The following MAPK4 variants were observed in gnomAD, a reference collection of about 807,000 sequenced individuals.
MAPK4 encodes the protein mitogen-activated protein kinase 4.
A neutral mutation model predicts 47.7 loss-of-function variants in MAPK4; 22 were observed. The ratio of observed to expected loss-of-function variants is 0.46; its 90% confidence interval spans 0.33 to 0.66. The LOEUF is 0.66. Among genes scored for constraint, MAPK4 ranks in the 30% least tolerant of loss-of-function variants. MAPK4 has a pLI of 0.02. For synonymous variants in MAPK4, 390 were observed against 365.7 expected (o/e 1.07, Z -0.76); for missense variants, 736 against 831.7 (o/e 0.88, Z 1.42).
chr18:50,597,199 AT>A (rs1248419913), intron 1 of MAPK4, among the ~76,000 whole-genome samples: 1 of 152,100 alleles, frequency 6.6e-6, no homozygotes, highest in African/African-American at 2.4e-5. Flanking sequence ...CCAGATTGGG[AT>A]TTTTCTTTAC....
chr18:50,620,408 A>G (rs1029637286), intron 1 of MAPK4, among the ~76,000 whole-genome samples: 3 of 152,190 alleles, frequency 2.0e-5, no homozygotes, highest in Non-Finnish European at 2.9e-5. Context: ...GCAGATTTTT[A>G]GTTCTCCTCA....
At chr18:50,610,606 T>C (rs1460327624) in intron 1 of MAPK4, among the ~76,000 whole-genome samples, 2 of 152,228 alleles carry the variant, frequency 1.3e-5, no homozygotes, top group Non-Finnish European at 2.9e-5. Flanking sequence ...GCAGATTTTC[T>C]GATTTCCAGC....
intron 1 of MAPK4, among the ~76,000 whole-genome samples, chr18:50,638,541 T>C (rs1407255368): frequency 6.6e-6 from 1 of 152,214 alleles, no homozygotes; most frequent in African/African-American, 2.4e-5. Flanking sequence ...CTTTCTCTTC[T>C]GGGAGACCAC....
chr18:50,604,230 A>G (rs528756628), intron 1 of MAPK4, among the ~76,000 whole-genome samples: 1 of 152,340 alleles, frequency 6.6e-6, no homozygotes, highest in African/African-American at 2.4e-5. Context: ...TGAGTTACTG[A>G]GAGATTATTA....
At chr18:50,642,024 A>G (rs188177086) in intron 1 of MAPK4, among the ~76,000 whole-genome samples, 2 of 152,224 alleles carry the variant, frequency 1.3e-5, no homozygotes, top group Non-Finnish European at 1.5e-5. Flanking sequence ...CATGTAAAAC[A>G]AAATATGTTT....
intron 1 of MAPK4, among the ~76,000 whole-genome samples, chr18:50,581,094 A>T (rs1012986565): frequency 1.3e-5 from 2 of 152,210 alleles, no homozygotes; most frequent in Non-Finnish European, 2.9e-5. Context: ...CAACATCCTA[A>T]AATGCACGAG....
At chr18:50,685,534 T>C (rs1477547331) in intron 2 of MAPK4, among the ~76,000 whole-genome samples, 2 of 152,160 alleles carry the variant, frequency 1.3e-5, no homozygotes, top group African/African-American at 2.4e-5. Context: ...GAGAAATGAA[T>C]GTGCAGTGCA....
intron 2 of MAPK4, among the ~76,000 whole-genome samples, chr18:50,691,744 T>G (rs1909228898): frequency 6.6e-6 from 1 of 152,230 alleles, no homozygotes; most frequent in Admixed American, 6.5e-5. Context: ...CTAAAGATTT[T>G]CAGCAGGCTC....
intron 2 of MAPK4, among the ~76,000 whole-genome samples, chr18:50,689,857 T>C (rs12457968): frequency 0.036 from 5,471 of 152,314 alleles, 200 homozygotes; most frequent in African/African-American, 0.092. Context: ...TGACATGAAG[T>C]CTATTCACTA....
intron 2 of MAPK4, among the ~76,000 whole-genome samples, chr18:50,712,122 C>T (rs536063983): frequency 6.6e-6 from 1 of 152,332 alleles, no homozygotes; most frequent in Admixed American, 6.5e-5. Context: ...GCTTCTGAAA[C>T]ATATCAACAA....
chr18:50,674,493 C>T (rs1003574939), intron 2 of MAPK4, among the ~76,000 whole-genome samples: 1 of 152,100 alleles, frequency 6.6e-6, no homozygotes, highest in African/African-American at 2.4e-5. Context: ...CAGCCCTTAT[C>T]CTCGCCTCAT....
intron 2 of MAPK4, among the ~76,000 whole-genome samples, chr18:50,704,227 A>G (rs1715282533): frequency 6.6e-6 from 1 of 152,188 alleles, no homozygotes; most frequent in African/African-American, 2.4e-5. Flanking sequence ...GAAAAAAGAA[A>G]GGCCAGACAC....
At chr18:50,599,419 T>TTTA (rs888144620) in intron 1 of MAPK4, among the ~76,000 whole-genome samples, 62 of 152,198 alleles carry the variant, frequency 4.1e-4, no homozygotes, top group Admixed American at 7.2e-4. Flanking sequence ...ATTTTTTACT[T>TTTA]TTATTATTAT....
At chr18:50,632,457 A>G (rs2042839585) in intron 1 of MAPK4, among the ~76,000 whole-genome samples, 1 of 152,090 alleles carries the variant, frequency 6.6e-6, no homozygotes, top group Non-Finnish European at 1.5e-5. Context: ...CAAATGAGTC[A>G]TCCAGCATCC....
intron 1 of MAPK4, among the ~76,000 whole-genome samples, chr18:50,662,289 A>G (rs1166271720): frequency 2.0e-5 from 3 of 152,164 alleles, no homozygotes; most frequent in African/African-American, 7.2e-5. Flanking sequence ...CTGAATTTAC[A>G]TGTCTAGTTT....
At chr18:50,640,099 A>G (rs2042925464) in intron 1 of MAPK4, among the ~76,000 whole-genome samples, 1 of 152,244 alleles carries the variant, frequency 6.6e-6, no homozygotes, top group Non-Finnish European at 1.5e-5. Flanking sequence ...ATTTATATAT[A>G]TCTACACACA....
chr18:50,581,734 C>A (rs906879479), intron 1 of MAPK4, among the ~76,000 whole-genome samples: 2 of 152,098 alleles, frequency 1.3e-5, no homozygotes, highest in Non-Finnish European at 2.9e-5. Flanking sequence ...CTCCATGCAC[C>A]TGTGGGTAGA....
At chr18:50,619,671 A>G (rs1409725975) in intron 1 of MAPK4, among the ~76,000 whole-genome samples, 2 of 152,170 alleles carry the variant, frequency 1.3e-5, no homozygotes, top group African/African-American at 4.8e-5. Flanking sequence ...AGCAAATTTC[A>G]GTGTCATTGA....
chr18:50,567,768 T>TTTG (rs922531261), intron 1 of MAPK4, among the ~76,000 whole-genome samples: 43 of 151,466 alleles, frequency 2.8e-4, no homozygotes, highest in Non-Finnish European at 4.7e-4. Flanking sequence ...GGGTGTGGTG[T>TTTG]TTGTTGTTGT....
Sources: allele counts gnomAD v4.1 joint callset (sites outside exome capture counted in the v4.1 genomes callset), GRCh38; gene constraint gnomAD v4.1.1; transcripts MANE v1.5; gene names NCBI Gene and HGNC (gene_info 2026-07-23, HGNC 2026-07-21).